Variants in FERMT2 observed in about 807,000 individuals in gnomAD.
FERMT2 encodes the protein fermitin family homolog 2.
A neutral mutation model predicts 82.7 loss-of-function variants in FERMT2; 15 were observed. That is an observed-to-expected ratio of 0.18 (90% CI 0.12 to 0.28). The LOEUF (loss-of-function observed/expected upper bound fraction) is 0.28. Among genes scored for constraint, FERMT2 ranks in the 10% least tolerant of loss-of-function variants. The pLI, the probability that FERMT2 is intolerant of heterozygous loss-of-function variation, is 1.00. For synonymous variants in FERMT2, 274 were observed against 271.5 expected (o/e 1.01, Z -0.09); for missense variants, 645 against 809.4 (o/e 0.80, Z 2.46).
intron 14 of FERMT2, 34 bp from the exon 15 acceptor site, chr14:52,858,584 C>A (rs369867313): frequency 6.2e-7 from 1 of 1,604,046 alleles, no homozygotes. Flanking sequence ...AGTGCTGTCC[C>A]AAATGCTAGG....
rs150322009 is a variant in FERMT2, at chr14:52,917,271, CGT to C, written c.391+1850_391+1851del. ...TTATGGATATATACACACAGAGATA[CGT>C]GTGTGTGTGTGTGTGTGTGTGTATG... On this transcript the variant is annotated intron_variant, in intron 3 of 14. Transcript: ENST00000341590. 4.7e-3 allele frequency among the ~76,000 whole-genome samples: 696 copies of C among 147,034 alleles called. 8 individuals carry two copies. The highest frequency in any genetic ancestry group is 0.022 in the South Asian group (102 of 4,610).
chr14:52,858,687 T>A, intron 14 of FERMT2, 137 bp from the exon 15 acceptor site: 1 of 703,752 alleles, frequency 1.4e-6, no homozygotes, highest in Non-Finnish European at 2.3e-6. Flanking sequence ...GTCTAAAACC[T>A]AAACGAATAA....
intron 14 of FERMT2, 94 bp from the exon 15 acceptor site, chr14:52,858,644 C>T (rs1884709904): frequency 1.8e-6 from 2 of 1,108,836 alleles, no homozygotes; most frequent in Non-Finnish European, 2.6e-6. Flanking sequence ...TGTCATATCA[C>T]AAAACACTTG....
At chr14:52,938,653 A>G (rs1595021151) in intron 2 of FERMT2, among the ~76,000 whole-genome samples, 1 of 151,514 alleles carries the variant, frequency 6.6e-6, no homozygotes, top group Non-Finnish European at 1.5e-5. Context: ...TGCAACCTCC[A>G]CCTCCCAGGT....
intron 3 of FERMT2, among the ~76,000 whole-genome samples, chr14:52,899,629 G>A (rs985597180): frequency 1.3e-5 from 2 of 152,216 alleles, no homozygotes; most frequent in African/African-American, 4.8e-5. Context: ...AGAATGAAGG[G>A]TAGCAAGAAT....
At position 52,874,141 on chromosome 14, in the gene FERMT2, T is replaced by C. The variant is rs553695901; in HGVS notation, c.1148+36A>G. On this transcript the variant is annotated intron_variant, in intron 9 of 14. Coordinates refer to ENST00000341590, the MANE Select transcript of FERMT2 (RefSeq NM_006832.3). ...GTGACCATGACTATAAAGCTGACAG[T>C]TATTAATATTTGGCATCCCTCCTTT... is the stretch of plus-strand genomic sequence containing the variant. The C allele has an allele frequency of 3.6e-6, 5 of 1,376,334 alleles. No individual in the cohort carries two copies. In the African/African-American group the frequency reaches 7.2e-5, roughly 20 times the overall value. The allele number at this position is 1,376,334 out of a possible 1,614,324, so 85.3% of individuals were successfully genotyped here. A position where few individuals can be genotyped will look rare whatever the true frequency, so the allele number is the denominator to read the frequency against.
intron 2 of FERMT2, among the ~76,000 whole-genome samples, chr14:52,936,149 T>C (rs768055014): frequency 5.3e-5 from 8 of 152,228 alleles, no homozygotes; most frequent in Admixed American, 1.3e-4. Context: ...CCAGTTAGTA[T>C]TGGACTTAGA....
chr14:52,895,629 CCATAGTGA>C (rs1887212594), intron 3 of FERMT2, among the ~76,000 whole-genome samples: 1 of 152,098 alleles, frequency 6.6e-6, no homozygotes. Flanking sequence ...GCCAACAAAT[CCATAGTGA>C]CAGAAAGCAG....
chr14:52,921,435 T>C (rs1250251691), intron 2 of FERMT2, among the ~76,000 whole-genome samples: 1 of 152,212 alleles, frequency 6.6e-6, no homozygotes. Flanking sequence ...TTATAACTAC[T>C]TGCTTAACAG....
At chr14:52,894,888 A>T (rs368618128) in intron 3 of FERMT2, among the ~76,000 whole-genome samples, 17 of 658 alleles carry the variant, frequency 0.026, no homozygotes, top group East Asian at 0.5. Flanking sequence ...TTTAAAAATA[A>T]AAAAAAAAAA....
At chr14:52,909,851 G>A (rs554654181) in intron 3 of FERMT2, among the ~76,000 whole-genome samples, 38 of 152,090 alleles carry the variant, frequency 2.5e-4, no homozygotes, top group Middle Eastern at 6.8e-3. Context: ...TCAAGGGATC[G>A]AGACCATCCT....
rs1181582996 is a variant in FERMT2, at chr14:52,885,312, C to CAAAA, written c.527-3847_527-3844dup. The stretch of plus-strand genomic sequence containing the variant: ...TGGGTAACAGGGCGAGACTTAGTCT[C>CAAAA]AAAAAAAAAAAAAAAAAAAAAAAAA... On this transcript the variant is annotated intron_variant, in intron 4 of 14. Coordinates refer to ENST00000341590, the MANE Select transcript of FERMT2 (RefSeq NM_006832.3). 9.8e-3 allele frequency among the ~76,000 whole-genome samples: 601 copies of CAAAA among 61,030 alleles called. 94 individuals are homozygous for CAAAA. The highest frequency in any genetic ancestry group is 0.018 in the African/African-American group (276 of 15,126). 40.0% of individuals were successfully genotyped at this position (61,030 alleles called of 152,430 possible). A position where few individuals can be genotyped will look rare whatever the true frequency, so the allele number is the denominator to read the frequency against.
At chr14:52,910,542 G>C (rs1045383159) in intron 3 of FERMT2, among the ~76,000 whole-genome samples, 4 of 151,506 alleles carry the variant, frequency 2.6e-5, no homozygotes, top group Non-Finnish European at 5.9e-5. Context: ...CTGTCCAAAA[G>C]AAAAGGAAAA....
chr14:52,944,897 TTTC>T (rs1338978880), intron 2 of FERMT2, among the ~76,000 whole-genome samples: 2 of 151,972 alleles, frequency 1.3e-5, no homozygotes, highest in Non-Finnish European at 2.9e-5. Flanking sequence ...ATCCTCAGAT[TTTC>T]TTTTTCTTTT....
chr14:52,922,436 G>A (rs1360102841), intron 2 of FERMT2, among the ~76,000 whole-genome samples: 1 of 151,902 alleles, frequency 6.6e-6, no homozygotes, highest in Non-Finnish European at 1.5e-5. Flanking sequence ...GAAAGAGGGG[G>A]GCCTCCATAG....
chr14:52,873,252 TGTCA>T (rs1885741219), intron 9 of FERMT2, among the ~76,000 whole-genome samples: 1 of 152,178 alleles, frequency 6.6e-6, no homozygotes, highest in Non-Finnish European at 1.5e-5. Flanking sequence ...GTGAAGTAAA[TGTCA>T]GTAATTGGAA....
At chr14:52,904,292 G>A (rs1014080949) in intron 3 of FERMT2, among the ~76,000 whole-genome samples, 4 of 152,188 alleles carry the variant, frequency 2.6e-5, no homozygotes, top group Non-Finnish European at 4.4e-5. Context: ...CAAGGTGGGC[G>A]GATCACCTGA....
chr14:52,928,262 A>G (rs1423685170), intron 2 of FERMT2: 1 of 204,788 alleles, frequency 4.9e-6, no homozygotes, highest in African/African-American at 2.2e-5. Flanking sequence ...ATAAGCACAG[A>G]TAACTTTTCT....
At chr14:52,865,522 C>A (rs565281218) in intron 10 of FERMT2, among the ~76,000 whole-genome samples, 6 of 152,286 alleles carry the variant, frequency 3.9e-5, no homozygotes, top group African/African-American at 1.4e-4. Flanking sequence ...CATTTAACTT[C>A]TGTAAGTCGA....
Sources: allele counts gnomAD v4.1 joint callset (sites outside exome capture counted in the v4.1 genomes callset), GRCh38; gene constraint gnomAD v4.1.1; transcripts MANE v1.5; gene names NCBI Gene and HGNC (gene_info 2026-07-23, HGNC 2026-07-21).